Variants in TNIK observed in about 807,000 individuals in gnomAD.
The protein encoded by TNIK is TRAF2 and NCK interacting kinase.
Under a neutral mutation model 191.3 loss-of-function variants are expected in TNIK, and 49 were observed. The observed-to-expected ratio is 0.26, with a 90% CI of 0.20 to 0.32. The LOEUF is 0.32. Ranked by LOEUF, TNIK falls within the 10% of genes least tolerant of loss-of-function variation. TNIK has a pLI of 1.00. For synonymous variants in TNIK, 594 were observed against 600.9 expected (o/e 0.99, Z 0.17); for missense variants, 1,155 against 1,702.3 (o/e 0.68, Z 5.66).
chr3:171,150,762 G>C (rs995472016), intron 12 of TNIK, among the ~76,000 whole-genome samples: 2 of 152,166 alleles, frequency 1.3e-5, no homozygotes, highest in Non-Finnish European at 1.5e-5. Context: ...GACAAGGCCA[G>C]GACTGCAGGC....
intron 21 of TNIK, among the ~76,000 whole-genome samples, chr3:171,102,603 A>C (rs1723763597): frequency 6.6e-6 from 1 of 152,212 alleles, no homozygotes; most frequent in African/African-American, 2.4e-5. Flanking sequence ...AAATGGGGAA[A>C]AAGCAATTTG....
At chr3:171,338,659 GTTT>G (rs76315440) in intron 2 of TNIK, among the ~76,000 whole-genome samples, 3 of 126,816 alleles carry the variant, frequency 2.4e-5, no homozygotes, top group Admixed American at 1.6e-4. Flanking sequence ...CAGCTAAGTT[GTTT>G]TTTTTTTTTT....
At chr3:171,459,702 A>ACG (rs1553784801) in intron 1 of TNIK, among the ~76,000 whole-genome samples, 1,536 of 150,512 alleles carry the variant, frequency 0.01, 29 homozygotes, top group African/African-American at 0.036. Context: ...ACACACACAC[A>ACG]CGCACACACG....
intron 2 of TNIK, among the ~76,000 whole-genome samples, chr3:171,298,839 T>C (rs1029033043): frequency 6.6e-5 from 10 of 152,254 alleles, no homozygotes; most frequent in African/African-American, 2.4e-4. Flanking sequence ...GCCTTAATTT[T>C]TCACCTAACC....
intron 12 of TNIK, among the ~76,000 whole-genome samples, chr3:171,153,194 T>C (rs565066875): frequency 1.2e-4 from 19 of 152,298 alleles, no homozygotes; most frequent in Non-Finnish European, 2.8e-4. Flanking sequence ...GCTTGCATAC[T>C]AAATCTTTGC....
In TNIK at chr3:171,108,263, A is replaced by G. The variant is rs1353659100; in HGVS notation, c.2285-101T>C. 4 of 869,256 alleles carry G rather than the reference A, an allele frequency of 4.6e-6. No individual in the cohort carries two copies. In the East Asian group the frequency reaches 1.2e-4, roughly 25 times the overall value. 53.8% of individuals were successfully genotyped at this position (869,256 alleles called of 1,614,324 possible). A position where few individuals can be genotyped will look rare whatever the true frequency, so the allele number is the denominator to read the frequency against. ...TGTGATGTGTCATCACATTGAGATT[A>G]CTCAGTGGACACGTCATTCACCTGG... On this transcript the variant is annotated intron_variant, in intron 19 of 32. Coordinates refer to ENST00000436636, the MANE Select transcript of TNIK (RefSeq NM_015028.4).
At chr3:171,325,104 AAAT>A (rs1192113527) in intron 2 of TNIK, among the ~76,000 whole-genome samples, 18 of 151,812 alleles carry the variant, frequency 1.2e-4, no homozygotes, top group East Asian at 5.8e-4. Context: ...GTCTCAAAAT[AAAT>A]AAATAAATAA....
intron 2 of TNIK, among the ~76,000 whole-genome samples, chr3:171,262,179 C>T (rs1300444186): frequency 3.3e-5 from 5 of 152,118 alleles, no homozygotes; most frequent in African/African-American, 7.2e-5. Flanking sequence ...CTTACCTTCC[C>T]TTCGTTTTGT....
At chr3:171,112,217 T>C (rs1040845669) in intron 18 of TNIK, among the ~76,000 whole-genome samples, 1 of 152,140 alleles carries the variant, frequency 6.6e-6, no homozygotes, top group African/African-American at 2.4e-5. Context: ...TCAGTAAAGC[T>C]AGGGGGGACA....
intron 1 of TNIK, among the ~76,000 whole-genome samples, chr3:171,426,678 G>C (rs1211700287): frequency 1.3e-5 from 2 of 152,052 alleles, no homozygotes; most frequent in African/African-American, 4.8e-5. Flanking sequence ...ATCCTCTCCA[G>C]AGTCTCCAGG....
rs200940262 is a variant in TNIK at position 171,126,229 on chromosome 3, A to G, written c.1774-78T>C. 9.5e-5 allele frequency: 98 copies of G among 1,034,652 alleles called. No individual in the cohort carries two copies. The East Asian group carries it at 2.1e-3, about 22-fold the overall frequency. The allele number at this position is 1,034,652 out of a possible 1,614,324, so 64.1% of individuals were successfully genotyped here. A position where few individuals can be genotyped will look rare whatever the true frequency, so the allele number is the denominator to read the frequency against. ...GCCAGTACCTCAGTGAGCTGAAGGAAAAAAAAAAAAAAGTTCAAGGGCACA... is the reference window on the plus strand; with the variant it reads ...GCCAGTACCTCAGTGAGCTGAAGGAGAAAAAAAAAAAAGTTCAAGGGCACA... On this transcript the variant is annotated intron_variant, in intron 16 of 32. Coordinates refer to ENST00000436636, the MANE Select transcript of TNIK (RefSeq NM_015028.4).
At chr3:171,370,574 G>A (rs922119018) in intron 1 of TNIK, among the ~76,000 whole-genome samples, 2 of 152,114 alleles carry the variant, frequency 1.3e-5, no homozygotes, top group African/African-American at 4.8e-5. Flanking sequence ...AAATCTAGGA[G>A]TCACAAACTT....
chr3:171,349,913 C>T (rs1357022697), intron 2 of TNIK, among the ~76,000 whole-genome samples: 2 of 152,162 alleles, frequency 1.3e-5, no homozygotes, highest in Admixed American at 6.5e-5. Flanking sequence ...AGTGAATGAA[C>T]TTATCTACTC....
rs111487201 is a variant in TNIK, at chr3:171,345,434, G to GTT, written c.123+24184_123+24185dup. On this transcript the variant is annotated intron_variant, in intron 2 of 32. Coordinates refer to ENST00000436636, the MANE Select transcript of TNIK (RefSeq NM_015028.4). ...TGTTATTTTTAGGTGAAAACACCGA[G>GTT]TTTTTTTTTTTTCTTTACTTTTGCC... Among the ~76,000 whole-genome samples, 93 of 147,906 alleles carry GTT rather than the reference G, an allele frequency of 6.3e-4. 2 individuals carry two copies. In the South Asian group the frequency reaches 0.013, roughly 20 times the overall value.
chr3:171,170,670 T>TGAC (rs1187776648), intron 9 of TNIK, among the ~76,000 whole-genome samples: 1 of 152,218 alleles, frequency 6.6e-6, no homozygotes, highest in Non-Finnish European at 1.5e-5. Flanking sequence ...ATGATGATGA[T>TGAC]GACTATGATG....
intron 1 of TNIK, among the ~76,000 whole-genome samples, chr3:171,413,005 A>G (rs1722603382): frequency 6.6e-6 from 1 of 152,234 alleles, no homozygotes; most frequent in African/African-American, 2.4e-5. Flanking sequence ...TACCTTGGCG[A>G]GAATTTCCTC....
intron 7 of TNIK, among the ~76,000 whole-genome samples, chr3:171,186,371 G>A (rs761282902): frequency 2.7e-4 from 41 of 152,116 alleles, no homozygotes; most frequent in Non-Finnish European, 4.9e-4. Flanking sequence ...AACAGGGTAT[G>A]GCTTGGTTTT....
intron 2 of TNIK, among the ~76,000 whole-genome samples, chr3:171,361,297 A>C (rs1465390394): frequency 6.6e-6 from 1 of 152,218 alleles, no homozygotes; most frequent in African/African-American, 2.4e-5. Context: ...AAGGCTGCGA[A>C]CCACTAGTAG....
At chr3:171,356,844 G>GA (rs1283131961) in intron 2 of TNIK, among the ~76,000 whole-genome samples, 1 of 152,146 alleles carries the variant, frequency 6.6e-6, no homozygotes, top group African/African-American at 2.4e-5. Context: ...AAGGTCAAAT[G>GA]AAATAATGAA....
Sources: gnomAD v4.1 joint callset for allele counts (sites outside exome capture counted in the v4.1 genomes callset) on GRCh38, gnomAD v4.1.1 for gene constraint, MANE v1.5 for transcripts, NCBI Gene and HGNC (gene_info 2026-07-23, HGNC 2026-07-21) for gene names.